Variants in SYN2 observed in about 807,000 individuals in gnomAD.
SYN2 encodes the protein synapsin-2.
Under a neutral mutation model 50.9 loss-of-function variants are expected in SYN2, and 19 were observed. That is an observed-to-expected ratio of 0.37 (90% confidence interval 0.26 to 0.55). The LOEUF (loss-of-function observed/expected upper bound fraction) is 0.55. Among genes scored for constraint, SYN2 ranks in the 20% least tolerant of loss-of-function variants. The pLI is 0.81. For missense variants in SYN2, 587 were observed against 576.4 expected, an observed-to-expected ratio of 1.02 and a Z score of -0.19; for synonymous variants, 255 against 224.9, an observed-to-expected ratio of 1.13 and a Z score of -1.20.
intron 1 of SYN2, among the ~76,000 whole-genome samples, chr3:12,028,868 C>T (rs1157219970): frequency 2.4e-5 from 3 of 127,310 alleles, no homozygotes; most frequent in Non-Finnish European, 4.8e-5. Context: ...TGTGCAGAAG[C>T]TCTTTAGTTT....
At chr3:12,188,026 T>TA (rs958301273) in intron 12 of SYN2, among the ~76,000 whole-genome samples, 72 of 2,396 alleles carry the variant, frequency 0.03, no homozygotes, top group Admixed American at 0.16. Flanking sequence ...TCTTTCTTTG[T>TA]AAAAAAAAAT....
intron 1 of SYN2, among the ~76,000 whole-genome samples, chr3:12,077,725 G>C (rs1219107679): frequency 6.6e-6 from 1 of 152,146 alleles, no homozygotes; most frequent in Non-Finnish European, 1.5e-5. Context: ...TATCCTTGAT[G>C]GGCATTTGGG....
At chr3:12,096,955 A>G (rs1695948509) in intron 1 of SYN2, among the ~76,000 whole-genome samples, 1 of 152,154 alleles carries the variant, frequency 6.6e-6, no homozygotes, top group Non-Finnish European at 1.5e-5. Context: ...AGAAAGGAAA[A>G]TAGGAGCAGA....
chr3:12,057,858 A>C (rs1476719862), intron 1 of SYN2, among the ~76,000 whole-genome samples: 1 of 152,244 alleles, frequency 6.6e-6, no homozygotes, highest in Non-Finnish European at 1.5e-5. Flanking sequence ...GAAGAACATT[A>C]AAACTGAAAC....
chr3:12,012,979 G>T (rs1307400451), intron 1 of SYN2, among the ~76,000 whole-genome samples: 8 of 152,106 alleles, frequency 5.3e-5, no homozygotes, highest in Admixed American at 5.2e-4. Context: ...CTGGCCTTCT[G>T]CCTTCTCTGT....
rs1305566929 is a variant in SYN2, at chr3:12,191,912, A to G, written c.*1287A>G. 2.0e-5 allele frequency among the ~76,000 whole-genome samples: 3 copies of G among 152,132 alleles called. No homozygotes were observed. Among genetic ancestry groups the G allele is most frequent in the African/African-American group, 7.2e-5 (3 of 41,412 alleles). On this transcript the variant is annotated 3_prime_UTR_variant, in exon 13 of 13. Coordinates refer to ENST00000621198, the MANE Select transcript of SYN2 (RefSeq NM_133625.6). The stretch of plus-strand genomic sequence containing the variant: ...TGCAATTGAGGGTGGGCTCTGAGGG[A>G]TTTCACTCTGGCTGCTTCATGACTC...
chr3:12,055,687 G>A (rs2125158466), intron 1 of SYN2, among the ~76,000 whole-genome samples: 1 of 152,236 alleles, frequency 6.6e-6, no homozygotes, highest in African/African-American at 2.4e-5. Context: ...TACATATTTA[G>A]TTGCCTTTCT....
intron 1 of SYN2, among the ~76,000 whole-genome samples, chr3:12,074,524 C>T (rs1207590756): frequency 1.3e-5 from 2 of 152,112 alleles, no homozygotes; most frequent in African/African-American, 4.8e-5. Flanking sequence ...GACTTAAAGT[C>T]CAAATTCAGT....
rs753741375 is a variant in SYN2, at chr3:12,184,176, G to A, written c.1369+804G>A. On this transcript the variant is annotated intron_variant, in intron 11 of 12. Transcript: ENST00000621198. ...TGTGTTCTGTATTTTACATCCCAGT[G>A]TACCCTTTATTTTATTATTAACTAA... The A allele has an allele frequency of 3.0e-4, 294 of 985,696 alleles. 1 individual carries two copies. The highest frequency in any genetic ancestry group is 3.5e-4 in the Non-Finnish European group (289 of 829,904). The allele number at this position is 985,696 out of a possible 1,614,324, so 61.1% of individuals were successfully genotyped here.
intron 1 of SYN2, among the ~76,000 whole-genome samples, chr3:12,101,315 T>C (rs1288871116): frequency 6.6e-6 from 1 of 152,116 alleles, no homozygotes; most frequent in Non-Finnish European, 1.5e-5. Context: ...GAAAAAGGAA[T>C]GAAGTATTGA....
At chr3:12,185,541 A>C in intron 11 of SYN2, 1 of 985,750 alleles carries the variant, frequency 1.0e-6, no homozygotes, top group Non-Finnish European at 1.2e-6. Flanking sequence ...GGCCTGGGGG[A>C]CATCTGTGTC....
chr3:12,160,042 C>CAAAAAAAAA (rs3079818), intron 5 of SYN2, among the ~76,000 whole-genome samples: 9 of 67,608 alleles, frequency 1.3e-4, no homozygotes, highest in East Asian at 1.0e-3. Context: ...GACTCCGTCT[C>CAAAAAAAAA]AAAAAAAAAA....
chr3:12,170,904 G>A (rs1271997358), intron 10 of SYN2, among the ~76,000 whole-genome samples: 2 of 152,178 alleles, frequency 1.3e-5, no homozygotes, highest in Admixed American at 6.5e-5. Flanking sequence ...TATTAGCTTC[G>A]TGACCAGCAC....
intron 1 of SYN2, among the ~76,000 whole-genome samples, chr3:12,088,947 G>A (rs756723184): frequency 6.6e-6 from 1 of 152,158 alleles, no homozygotes; most frequent in South Asian, 2.1e-4. Flanking sequence ...ATAAGTTATA[G>A]TGATCTATTG....
chr3:12,015,904 A>C (rs1694020381), intron 1 of SYN2, among the ~76,000 whole-genome samples: 1 of 152,276 alleles, frequency 6.6e-6, no homozygotes, highest in South Asian at 2.1e-4. Flanking sequence ...TTTCCAGGAT[A>C]TATACCTCTT....
intron 5 of SYN2, chr3:12,154,517 T>A: frequency 6.3e-7 from 1 of 1,582,098 alleles, no homozygotes; most frequent in East Asian, 2.2e-5. Context: ...GGGGCCCAGG[T>A]CCTTGAAAAG....
intron 1 of SYN2, among the ~76,000 whole-genome samples, chr3:12,135,047 G>A (rs1696865389): frequency 6.6e-6 from 1 of 152,232 alleles, no homozygotes; most frequent in Non-Finnish European, 1.5e-5. Flanking sequence ...TTCTTTGAGG[G>A]AGGGAAGTGG....
intron 1 of SYN2, among the ~76,000 whole-genome samples, chr3:12,124,969 G>C (rs1379732976): frequency 6.6e-6 from 1 of 152,002 alleles, no homozygotes; most frequent in Non-Finnish European, 1.5e-5. Context: ...ATAGCTGTAT[G>C]ACAAATAATG....
intron 5 of SYN2, chr3:12,158,707 G>T: frequency 1.2e-6 from 2 of 1,610,326 alleles, no homozygotes; most frequent in Non-Finnish European, 1.7e-6. Flanking sequence ...CTCACCAAGT[G>T]CCGAGTGGCA....
Sources: gnomAD v4.1 joint callset for allele counts (sites outside exome capture counted in the v4.1 genomes callset) on GRCh38, gnomAD v4.1.1 for gene constraint, MANE v1.5 for transcripts, NCBI Gene and HGNC (gene_info 2026-07-23, HGNC 2026-07-21) for gene names.